Variants in GDAP1 observed in about 807,000 individuals in gnomAD.
GDAP1 encodes the protein ganglioside-induced differentiation-associated protein 1.
Under a neutral mutation model 40.1 loss-of-function variants are expected in GDAP1, and 34 were observed. The observed-to-expected ratio is 0.85, with a 90% CI of 0.64 to 1.13. The LOEUF (loss-of-function observed/expected upper bound fraction) is 1.13. Among genes scored for constraint, GDAP1 ranks in the 50% most tolerant of loss-of-function variants. GDAP1 has a pLI of 0.00. For synonymous variants in GDAP1, 170 were observed against 157.4 expected, an observed-to-expected ratio of 1.08 and a Z score of -0.60; for missense variants, 374 against 433.7, an observed-to-expected ratio of 0.86 and a Z score of 1.22.
At chr8:74,446,976 A>G (rs942261106) in intron 2 of GDAP1, among the ~76,000 whole-genome samples, 1 of 152,122 alleles carries the variant, frequency 6.6e-6, no homozygotes, top group Non-Finnish European at 1.5e-5. Flanking sequence ...TTCTGGAGTT[A>G]GTGGTGATGG....
At chr8:74,423,149 A>G (rs1805901053) in intron 2 of GDAP1, among the ~76,000 whole-genome samples, 2 of 147,608 alleles carry the variant, frequency 1.4e-5, no homozygotes, top group Non-Finnish European at 3.0e-5. Context: ...ATATTTTTTG[A>G]ACACCCAATC....
intron 2 of GDAP1, among the ~76,000 whole-genome samples, chr8:74,388,768 G>A (rs533712252): frequency 1.5e-4 from 23 of 152,190 alleles, no homozygotes; most frequent in Admixed American, 1.0e-3. Flanking sequence ...GTCTAATATC[G>A]ACAGTGAGGT....
At chr8:74,454,306 A>T (rs1806312506) in intron 2 of GDAP1, among the ~76,000 whole-genome samples, 1 of 82,924 alleles carries the variant, frequency 1.2e-5, no homozygotes, top group African/African-American at 5.3e-5. Context: ...TTTGGATCAG[A>T]AATATGCATA....
At chr8:74,356,385 A>G (rs539317362) in intron 2 of GDAP1, among the ~76,000 whole-genome samples, 1 of 152,314 alleles carries the variant, frequency 6.6e-6, no homozygotes, top group South Asian at 2.1e-4. Flanking sequence ...TGTTTCTGTT[A>G]AAAGTCTTAA....
chr8:74,475,906 G>C (rs1240333806), intron 2 of GDAP1, among the ~76,000 whole-genome samples: 1 of 152,110 alleles, frequency 6.6e-6, no homozygotes, highest in African/African-American at 2.4e-5. Context: ...TTATTATTGT[G>C]TGGGAGTCTA....
chr8:74,431,951 G>A (rs1418939145), intron 2 of GDAP1, among the ~76,000 whole-genome samples: 2 of 152,174 alleles, frequency 1.3e-5, no homozygotes, highest in African/African-American at 4.8e-5. Flanking sequence ...TTACCTCATA[G>A]GATTCTTGAG....
chr8:74,368,876 C>A (rs868775544), downstream of GDAP1, among the ~76,000 whole-genome samples: 9 of 152,118 alleles, frequency 5.9e-5, no homozygotes, highest in Non-Finnish European at 1.0e-4. Flanking sequence ...TGTAGTGCTC[C>A]CCACCCCAAT....
At chr8:74,430,713 C>A (rs1372289253) in intron 2 of GDAP1, among the ~76,000 whole-genome samples, 2 of 151,438 alleles carry the variant, frequency 1.3e-5, no homozygotes, top group Admixed American at 1.3e-4. Flanking sequence ...AATTACAAAA[C>A]AAAAAATAAA....
intron 2 of GDAP1, among the ~76,000 whole-genome samples, chr8:74,470,698 G>A (rs1190007605): frequency 2.0e-5 from 3 of 152,182 alleles, no homozygotes; most frequent in African/African-American, 4.8e-5. Context: ...ATTGTGAATA[G>A]TGCCGCAATA....
chr8:74,384,847 A>T (rs1272132235), intron 2 of GDAP1, among the ~76,000 whole-genome samples: 1 of 152,184 alleles, frequency 6.6e-6, no homozygotes, highest in Non-Finnish European at 1.5e-5. Context: ...CAGTTACTAC[A>T]ACTATGCCCA....
chr8:74,428,551 C>G (rs1805982953), intron 2 of GDAP1, among the ~76,000 whole-genome samples: 1 of 149,776 alleles, frequency 6.7e-6, no homozygotes, highest in Non-Finnish European at 1.5e-5. Context: ...CCTGCAACCT[C>G]TGCCTCCCAG....
intron 2 of GDAP1, among the ~76,000 whole-genome samples, chr8:74,431,123 G>A (rs146820344): frequency 0.055 from 8,126 of 147,242 alleles, 280 homozygotes; most frequent in East Asian, 0.12. Context: ...TAGTTATCCT[G>A]TAGTTTTTCC....
intron 2 of GDAP1, among the ~76,000 whole-genome samples, chr8:74,477,393 T>C (rs1277094286): frequency 6.6e-6 from 1 of 152,230 alleles, no homozygotes; most frequent in Non-Finnish European, 1.5e-5. Context: ...GTCAGAGTTC[T>C]TGTGCTGGTT....
intron 2 of GDAP1, among the ~76,000 whole-genome samples, chr8:74,414,208 A>G (rs1805751059): frequency 6.7e-6 from 1 of 150,284 alleles, no homozygotes; most frequent in Non-Finnish European, 1.5e-5. Flanking sequence ...CTTGATCAAT[A>G]TCCAGAGTCC....
chr8:74,410,744 T>C (rs950470807), intron 2 of GDAP1, among the ~76,000 whole-genome samples: 3 of 150,324 alleles, frequency 2.0e-5, no homozygotes, highest in African/African-American at 7.6e-5. Context: ...AAGAAGCAGC[T>C]CAGTGGTCAG....
intron 2 of GDAP1, among the ~76,000 whole-genome samples, chr8:74,463,663 T>A (rs186101152): frequency 1.2e-3 from 176 of 152,272 alleles, no homozygotes; most frequent in African/African-American, 4.2e-3. Context: ...AAGACATATG[T>A]AGCTTTGGAG....
At chr8:74,481,571 C>T (rs1202662387) in intron 2 of GDAP1, among the ~76,000 whole-genome samples, 2 of 152,178 alleles carry the variant, frequency 1.3e-5, no homozygotes, top group East Asian at 3.9e-4. Context: ...AATTGCTGCT[C>T]TCCAGACAAA....
chr8:74,432,700 G>A (rs555284480), intron 2 of GDAP1, among the ~76,000 whole-genome samples: 51 of 152,182 alleles, frequency 3.4e-4, no homozygotes, highest in African/African-American at 1.0e-3. Context: ...AGATGGACTC[G>A]CCATCCTTCA....
rs1002213444 is a variant in GDAP1, at chr8:74,365,414, G to T, written c.*1047G>T. The T allele has an allele frequency of 2.2e-6, 1 of 453,446 alleles. No individual in the cohort carries two copies. Among genetic ancestry groups the T allele is most frequent in the Non-Finnish European group, 4.4e-6 (1 of 226,696 alleles). 28.1% of individuals were successfully genotyped at this position (453,446 alleles called of 1,614,324 possible). A position where few individuals can be genotyped will look rare whatever the true frequency, so the allele number is the denominator to read the frequency against. On this transcript the variant is annotated 3_prime_UTR_variant, in exon 6 of 6. Coordinates refer to ENST00000220822, the MANE Select transcript of GDAP1 (RefSeq NM_018972.4). ...GATGTATGTTTAAGGGATTTGGGGG[G>T]GATACCTCAGTTCATGTGGAAGGGA...
Sources: gnomAD v4.1 joint callset for allele counts (sites outside exome capture counted in the v4.1 genomes callset) on GRCh38, gnomAD v4.1.1 for gene constraint, MANE v1.5 for transcripts, NCBI Gene and HGNC (gene_info 2026-07-23, HGNC 2026-07-21) for gene names.